Variants in ANKRD6 observed in about 807,000 individuals in gnomAD.
ANKRD6 encodes the protein ankyrin repeat domain-containing protein 6.
In ANKRD6, 56 loss-of-function variants were observed where a neutral mutation model predicts 82.3. That is an observed-to-expected ratio of 0.68 (90% CI 0.55 to 0.85). ANKRD6 has a LOEUF of 0.85. ANKRD6 is among the 40% of genes least tolerant of loss of function. ANKRD6 has a pLI of 0.00. For synonymous variants in ANKRD6, 347 were observed against 352.1 expected (o/e 0.99, Z 0.16); for missense variants, 852 against 907.6 (o/e 0.94, Z 0.79).
At chr6:89,621,883 C>T in intron 9 of ANKRD6, 39 bp from the exon 10 acceptor site, 1 of 1,582,266 alleles carries the variant, frequency 6.3e-7, no homozygotes. Flanking sequence ...AGATGCTGCG[C>T]ACACCAGTGG....
intron 1 of ANKRD6, among the ~76,000 whole-genome samples, chr6:89,522,063 A>C (rs1479863723): frequency 6.6e-6 from 1 of 152,214 alleles, no homozygotes; most frequent in Non-Finnish European, 1.5e-5. Context: ...CTCCCAAGGA[A>C]GAACTCCTTG....
At chr6:89,497,858 C>T (rs1001387389) in intron 1 of ANKRD6, among the ~76,000 whole-genome samples, 2 of 152,140 alleles carry the variant, frequency 1.3e-5, no homozygotes, top group Non-Finnish European at 2.9e-5. Flanking sequence ...TTTCCTAATG[C>T]CATTTAGTGA....
chr6:89,444,941 A>C (rs761458761), intron 1 of ANKRD6, among the ~76,000 whole-genome samples: 1 of 152,074 alleles, frequency 6.6e-6, no homozygotes, highest in Non-Finnish European at 1.5e-5. Context: ...GCACTCCAAC[A>C]TGAGTGACAA....
chr6:89,439,363 T>G (rs539016388), intron 1 of ANKRD6, among the ~76,000 whole-genome samples: 1 of 152,266 alleles, frequency 6.6e-6, no homozygotes, highest in South Asian at 2.1e-4. Flanking sequence ...GTTTTTGCCA[T>G]GGAATGTGTT....
At chr6:89,603,241 T>C in intron 4 of ANKRD6, 114 bp downstream of exon 4, 1 of 778,914 alleles carries the variant, frequency 1.3e-6, no homozygotes, top group Non-Finnish European at 2.1e-6. Context: ...ATAATTCCTG[T>C]CTTACCACTT....
At position 89,445,636 on chromosome 6, in the gene ANKRD6, G is replaced by T. The variant is rs936983500; in HGVS notation, c.-144+12261G>T. Among the ~76,000 whole-genome samples, 4 of 152,228 alleles carry T rather than the reference G, an allele frequency of 2.6e-5. No homozygotes were observed. The East Asian group carries it at 5.8e-4, about 22-fold the overall frequency. ...TAATTTTTGTATTTTAGTAGAGACTGGGTTTCACCATGTTGGTCAGGATGG... is the reference window on the plus strand; with the variant it reads ...TAATTTTTGTATTTTAGTAGAGACTTGGTTTCACCATGTTGGTCAGGATGG... On this transcript the variant is annotated intron_variant, in intron 1 of 15. Coordinates refer to ENST00000339746, the MANE Select transcript of ANKRD6 (RefSeq NM_001242809.2).
At chr6:89,574,019 C>G (rs1790533411) in intron 2 of ANKRD6, among the ~76,000 whole-genome samples, 1 of 152,176 alleles carries the variant, frequency 6.6e-6, no homozygotes, top group South Asian at 2.1e-4. Context: ...GAACTCCCCA[C>G]CACATCATCA....
intron 5 of ANKRD6, among the ~76,000 whole-genome samples, chr6:89,610,994 C>T (rs1291056123): frequency 6.6e-6 from 1 of 151,836 alleles, no homozygotes; most frequent in Non-Finnish European, 1.5e-5. Flanking sequence ...TGAAAGCTTC[C>T]CCAGGTGATT....
intron 1 of ANKRD6, among the ~76,000 whole-genome samples, chr6:89,494,883 G>A (rs183453733): frequency 2.6e-5 from 4 of 152,344 alleles, no homozygotes; most frequent in Non-Finnish European, 4.4e-5. Flanking sequence ...CAGTCACTAT[G>A]TGGGAAGAAT....
At chr6:89,487,568 A>G (rs1777514576) in intron 1 of ANKRD6, among the ~76,000 whole-genome samples, 1 of 152,230 alleles carries the variant, frequency 6.6e-6, no homozygotes, top group Non-Finnish European at 1.5e-5. Flanking sequence ...GGACCTCCCC[A>G]TTCCAATAAT....
rs1313234247 is a variant in ANKRD6 at position 89,433,808 on chromosome 6, C to G, written c.-144+433C>G. ...CCGAATGACCCCGTCCCTCCCCGCC[C>G]TGGACGACAGCACTAGGGTGCAGTC... On this transcript the variant is annotated intron_variant, in intron 1 of 15. Transcript: ENST00000339746. This position sits in a 1 kb window ranked among gnomAD's most constrained non-coding sequence, Gnocchi z 4.3. Among the ~76,000 whole-genome samples the G allele has an allele frequency of 6.6e-6, 1 of 152,248 alleles. No individual in the cohort carries two copies. The highest frequency in any genetic ancestry group is 1.5e-5 in the Non-Finnish European group (1 of 68,036).
chr6:89,532,921 CT>C (rs1447721331), intron 1 of ANKRD6, among the ~76,000 whole-genome samples: 7 of 150,678 alleles, frequency 4.6e-5, no homozygotes, highest in African/African-American at 1.7e-4. Context: ...GTTGCCCAGG[CT>C]GGAGCCAGTG....
intron 1 of ANKRD6, among the ~76,000 whole-genome samples, chr6:89,520,409 G>A (rs1047557134): frequency 2.0e-5 from 3 of 152,226 alleles, no homozygotes; most frequent in Non-Finnish European, 4.4e-5. Flanking sequence ...AAATGGGTCA[G>A]CATCACAACA....
At chr6:89,625,737 CTTT>C (rs370616881) in intron 13 of ANKRD6, among the ~76,000 whole-genome samples, 1 of 140,146 alleles carries the variant, frequency 7.1e-6, no homozygotes, top group Admixed American at 7.2e-5. Flanking sequence ...TTTGTTACAA[CTTT>C]TTTTTTTTTT....
At chr6:89,503,306 G>A (rs1779464333) in intron 1 of ANKRD6, among the ~76,000 whole-genome samples, 1 of 152,182 alleles carries the variant, frequency 6.6e-6, no homozygotes, top group South Asian at 2.1e-4. Flanking sequence ...GTCGTGATTA[G>A]GCCAGTGCCT....
At chr6:89,445,975 T>C (rs1318519068) in intron 1 of ANKRD6, among the ~76,000 whole-genome samples, 1 of 152,212 alleles carries the variant, frequency 6.6e-6, no homozygotes, top group East Asian at 1.9e-4. Flanking sequence ...GTTGTATGTG[T>C]TCTGGCTGTT....
At position 89,631,208 on chromosome 6, in the gene ANKRD6, A is replaced by C; in HGVS notation, c.*204A>C. 1.0e-6 allele frequency: 1 copy of C among 968,058 alleles called. No individual in the cohort carries two copies. The highest frequency in any genetic ancestry group is 1.4e-6 in the Non-Finnish European group (1 of 721,036). 60.0% of individuals were successfully genotyped at this position (968,058 alleles called of 1,614,324 possible). A position where few individuals can be genotyped will look rare whatever the true frequency, so the allele number is the denominator to read the frequency against. The stretch of plus-strand genomic sequence containing the variant: ...CAACAATTAAACTGAAACCAGGGGA[A>C]GCTTGCTTAGTTTTGGGTTTCATTA... On this transcript the variant is annotated 3_prime_UTR_variant, in exon 16 of 16. Transcript: ENST00000339746.
intron 1 of ANKRD6, among the ~76,000 whole-genome samples, chr6:89,446,059 A>C (rs940243256): frequency 1.3e-5 from 2 of 151,862 alleles, no homozygotes; most frequent in Non-Finnish European, 2.9e-5. Context: ...CAATATTAAA[A>C]TTAGGTGAAT....
At chr6:89,586,941 C>T (rs1200252734) in intron 2 of ANKRD6, among the ~76,000 whole-genome samples, 2 of 152,074 alleles carry the variant, frequency 1.3e-5, no homozygotes, top group Admixed American at 1.3e-4. Context: ...AAAATCCTAG[C>T]ACTTTGGGAG....
Sources: gnomAD v4.1 joint callset for allele counts (sites outside exome capture counted in the v4.1 genomes callset) on GRCh38, gnomAD v4.1.1 for gene constraint, Gnocchi (gnomAD v3.1) non-coding constraint, MANE v1.5 for transcripts, NCBI Gene and HGNC (gene_info 2026-07-23, HGNC 2026-07-21) for gene names.